Variants in TICRR observed in about 807,000 individuals in gnomAD.
The protein encoded by TICRR is TOPBP1 interacting checkpoint and replication regulator, also known as treslin.
TICRR carries 132 observed loss-of-function variants against 178.1 expected under a neutral mutation model. The observed-to-expected ratio is 0.74, with a 90% CI of 0.64 to 0.86. The LOEUF is 0.86. Among genes scored for constraint, TICRR ranks in the 40% least tolerant of loss-of-function variants. The pLI is 0.00. For synonymous variants in TICRR, 991 were observed against 900.7 expected (o/e 1.10, Z -1.79); for missense variants, 2,587 against 2,334.3 (o/e 1.11, Z -2.23).
rs953839380 is a variant in TICRR at position 89,582,942 on chromosome 15, G to T, written c.911G>T (p.Gly304Val). ...GAGGCCTCGTTTCCACGAATGGAAG[G>T]AATGTTATTTCTCCCTGTTGAAGGT... The part of the protein sequence containing the change: ...EYEASFPRME[G>V]MLFLPVEAGK... The change falls in exon 2 of 22, where the codon GGA becomes GTA. Residue 304 changes from glycine to valine, a missense_variant. Coordinates refer to ENST00000268138, the MANE Select transcript of TICRR (RefSeq NM_152259.4). The T allele has an allele frequency of 1.9e-6, 3 of 1,613,178 alleles. No individual in the cohort carries two copies. In the African/African-American group the frequency reaches 4.0e-5, roughly 22 times the overall value.
intron 7 of TICRR, among the ~76,000 whole-genome samples, chr15:89,595,834 G>C (rs1962989064): frequency 6.6e-6 from 1 of 152,078 alleles, no homozygotes; most frequent in Non-Finnish European, 1.5e-5. Context: ...CTGCACTCCA[G>C]CCTGGGAGAC....
intron 15 of TICRR, among the ~76,000 whole-genome samples, chr15:89,614,083 G>A (rs922810177): frequency 6.6e-6 from 1 of 151,952 alleles, no homozygotes; most frequent in Non-Finnish European, 1.5e-5. Context: ...GAACCCAGGA[G>A]GCAGAGGTTG....
intron 17 of TICRR, among the ~76,000 whole-genome samples, chr15:89,618,672 G>C (rs181400128): frequency 6.6e-6 from 1 of 152,328 alleles, no homozygotes; most frequent in Non-Finnish European, 1.5e-5. Context: ...TGTTGAATGA[G>C]GGTGAGCAGC....
intron 16 of TICRR, 116 bp downstream of exon 16, chr15:89,616,611 T>C: frequency 1.3e-6 from 1 of 769,382 alleles, no homozygotes; most frequent in East Asian, 2.7e-5. Flanking sequence ...CTATGTTGCT[T>C]AAAACCAAAG....
intron 12 of TICRR, among the ~76,000 whole-genome samples, 182 bp from the exon 13 acceptor site, chr15:89,602,614 T>A (rs901377309): frequency 6.6e-6 from 1 of 152,144 alleles, no homozygotes; most frequent in Admixed American, 6.6e-5. Flanking sequence ...TGTTCATAAC[T>A]GGTTGAATTT....
rs755532004 is a variant in TICRR at position 89,625,899 on chromosome 15, C to T, written c.5477-37C>T. 19 of 1,544,624 alleles carry T rather than the reference C, an allele frequency of 1.2e-5. No homozygotes were observed. The East Asian group carries it at 4.0e-4, about 33-fold the overall frequency. On this transcript the variant is annotated intron_variant, in intron 20 of 21. Transcript: ENST00000268138. ...AGGCCTGGGCTTCCCGGTTGGGGGT[C>T]TGGGGACGCTGCTCTTACTATGTGG...
In TICRR at chr15:89,624,865, C is replaced by T; in HGVS notation, c.4555C>T (p.Leu1519=). 1.2e-6 allele frequency: 2 copies of T among 1,614,002 alleles called. No homozygotes were observed. The highest frequency in any genetic ancestry group is 1.1e-5 in the South Asian group (1 of 91,078). Residue 1519 remains leucine, a synonymous_variant, in exon 20 of 22, where the codon CTG becomes TTG. Coordinates refer to ENST00000268138, the MANE Select transcript of TICRR (RefSeq NM_152259.4). ...SPPSCGPGSP[L]MPSRDVHCTT... ...TCCTTCCTGTGGGCCTGGCTCTCCT[C>T]TGATGCCTTCCCGTGACGTGCACTG...
chr15:89,605,473 A>C (rs1963161137), intron 13 of TICRR, among the ~76,000 whole-genome samples: 1 of 152,112 alleles, frequency 6.6e-6, no homozygotes, highest in Non-Finnish European at 1.5e-5. Flanking sequence ...GGTTCACGCC[A>C]TTCTCCTGCC....
chr15:89,603,859 AAG>A (rs1963134401), intron 13 of TICRR, among the ~76,000 whole-genome samples: 2 of 152,166 alleles, frequency 1.3e-5, no homozygotes, highest in Non-Finnish European at 2.9e-5. Flanking sequence ...AATATAATAA[AAG>A]TTATGTGAAT....
chr15:89,625,480 G>T lies in TICRR; in HGVS notation c.5170G>T (p.Gly1724Cys). Residue 1724 changes from glycine to cysteine, a missense_variant, in exon 20 of 22, where the codon GGC becomes TGC. Transcript: ENST00000268138. The part of the protein sequence containing the change: ...SLLESEGKDH[G>C]LELSIHRTPI... Reference sequence around the variant, plus strand: ...GCTTGAGTCAGAGGGCAAGGACCACGGCCTTGAACTCAGCATCCACAGGAC... The same window carrying T: ...GCTTGAGTCAGAGGGCAAGGACCACTGCCTTGAACTCAGCATCCACAGGAC... 6.2e-7 allele frequency: 1 copy of T among 1,613,980 alleles called. No individual in the cohort carries two copies.
chr15:89,620,055 A>G (rs2141980149), intron 18 of TICRR, among the ~76,000 whole-genome samples: 1 of 152,360 alleles, frequency 6.6e-6, no homozygotes, highest in Non-Finnish European at 1.5e-5. Flanking sequence ...CATCCATGCT[A>G]TCATTATAGG....
At chr15:89,619,298 T>C (rs1055197035) in intron 17 of TICRR, among the ~76,000 whole-genome samples, 3 of 139,716 alleles carry the variant, frequency 2.1e-5, no homozygotes, top group Non-Finnish European at 4.6e-5. Flanking sequence ...TGCTCTCCGC[T>C]CACTGCAACC....
rs1185314352 is a variant in TICRR, at chr15:89,602,905, T to G, written c.2664+13T>G. The G allele has an allele frequency of 6.9e-7, 1 of 1,440,606 alleles. No individual in the cohort carries two copies. Among genetic ancestry groups the G allele is most frequent in the Non-Finnish European group, 9.3e-7 (1 of 1,080,440 alleles). The allele number at this position is 1,440,606 out of a possible 1,614,324, so 89.2% of individuals were successfully genotyped here. A position where few individuals can be genotyped will look rare whatever the true frequency, so the allele number is the denominator to read the frequency against. ...AGCTACGAAAAAAGTAAGTAAACCT[T>G]CCAGCTTGAGATGACACAGTAAATA... On this transcript the variant is annotated intron_variant, in intron 13 of 21. Coordinates refer to ENST00000268138, the MANE Select transcript of TICRR (RefSeq NM_152259.4).
At chr15:89,587,097 A>G (rs1228945410) in intron 4 of TICRR, among the ~76,000 whole-genome samples, 1 of 152,202 alleles carries the variant, frequency 6.6e-6, no homozygotes, top group Non-Finnish European at 1.5e-5. Flanking sequence ...TATATTTTGA[A>G]GGTAAAGCCA....
intron 8 of TICRR, 134 bp from the exon 9 acceptor site, chr15:89,600,451 A>G (rs1468213120): frequency 2.2e-6 from 1 of 463,062 alleles, no homozygotes; most frequent in Non-Finnish European, 3.9e-6. Context: ...AAGAATATTC[A>G]CGTCACTTTT....
chr15:89,624,707 T>G lies in TICRR; in HGVS notation c.4397T>G (p.Leu1466Arg). The change falls in exon 20 of 22, where the codon CTC becomes CGC. Residue 1466 changes from leucine (L) to arginine (R), a missense_variant. Coordinates refer to ENST00000268138, the MANE Select transcript of TICRR (RefSeq NM_152259.4). The stretch of plus-strand genomic sequence containing the variant: ...ACAAGTGACACAGAGCATGTCACTC[T>G]CCTCAGTGAAGCCGAACACCATGGC... ...LITSDTEHVT[L>R]LSEAEHHGIG... 1 of 1,614,166 alleles carries G rather than the reference T, an allele frequency of 6.2e-7. No homozygotes were observed. The highest frequency in any genetic ancestry group is 1.3e-5 in the African/African-American group (1 of 75,052).
Position 89,619,735 on chromosome 15 carries a change from T to G in TICRR, c.3047T>G (p.Ile1016Ser). 1 of 1,613,156 alleles carries G rather than the reference T, an allele frequency of 6.2e-7. No homozygotes were observed. The highest frequency in any genetic ancestry group is 8.5e-7 in the Non-Finnish European group (1 of 1,179,822). Residue 1016 changes from isoleucine (I) to serine (S), a missense_variant, in exon 18 of 22, where the codon ATC (isoleucine) becomes AGC (serine). Transcript: ENST00000268138. ...ATAAGTCTGAGACGAAGTCCTCGAA[T>G]CAAGCAGTTGTCATTTAGCAGGACA... ...DEISLRRSPR[I>S]KQLSFSRTHS...
chr15:89,595,697 C>A, intron 7 of TICRR, 86 bp downstream of exon 7: 1 of 876,370 alleles, frequency 1.1e-6, no homozygotes, highest in Non-Finnish European at 1.8e-6. Context: ...TATTGACTAT[C>A]TGCTACATGC....
intron 15 of TICRR, among the ~76,000 whole-genome samples, chr15:89,610,910 TG>T (rs1296114668): frequency 6.6e-6 from 1 of 152,172 alleles, no homozygotes; most frequent in African/African-American, 2.4e-5. Flanking sequence ...TAAAAGAACC[TG>T]GCTTTATGAA....
Sources: gnomAD v4.1 joint callset for allele counts (sites outside exome capture counted in the v4.1 genomes callset) on GRCh38, gnomAD v4.1.1 for gene constraint, MANE v1.5 for transcripts, NCBI Gene and HGNC (gene_info 2026-07-23, HGNC 2026-07-21) for gene names.